The following SPATA6 variants were observed in gnomAD, a reference collection of about 807,000 sequenced individuals.
SPATA6 encodes spermatogenesis associated 6, also known as spermatogenesis-associated protein 6.
Under a neutral mutation model 65.3 loss-of-function variants are expected in SPATA6, and 56 were observed. The observed-to-expected ratio is 0.86, with a 90% CI of 0.69 to 1.07. SPATA6 has a LOEUF of 1.07. SPATA6 is among the 50% of genes least tolerant of loss of function. SPATA6 has a pLI of 0.00. For synonymous variants in SPATA6, 199 were observed against 213.2 expected (o/e 0.93, Z 0.58); for missense variants, 590 against 594.8 (o/e 0.99, Z 0.08).
At chr1:48,395,959 A>C (rs114781293) in intron 7 of SPATA6, among the ~76,000 whole-genome samples, 4,008 of 151,946 alleles carry the variant, frequency 0.026, 178 homozygotes, top group African/African-American at 0.092. Flanking sequence ...CAATATTTAC[A>C]AATCATTTAT....
chr1:48,300,085 A>G (rs1644901345), intron 12 of SPATA6, among the ~76,000 whole-genome samples: 1 of 152,184 alleles, frequency 6.6e-6, no homozygotes, highest in Admixed American at 6.5e-5. Context: ...ATAGGAAGCT[A>G]ATGAAATAGA....
At chr1:48,372,210 T>C (rs183997923) in intron 9 of SPATA6, among the ~76,000 whole-genome samples, 301 of 152,302 alleles carry the variant, frequency 2.0e-3, no homozygotes, top group Middle Eastern at 0.01. Context: ...CTTCTGCCTA[T>C]GAGCCTGTAA....
chr1:48,409,081 T>C (rs1490099611), intron 5 of SPATA6, among the ~76,000 whole-genome samples: 1 of 152,222 alleles, frequency 6.6e-6, no homozygotes, highest in African/African-American at 2.4e-5. Flanking sequence ...GTCCAAAGTT[T>C]CATCAAGACA....
At position 48,429,446 on chromosome 1, in the gene SPATA6, A is replaced by G. The variant is rs191783019; in HGVS notation, c.239-16295T>C. Among the ~76,000 whole-genome samples the G allele has an allele frequency of 2.4e-3, 363 of 152,322 alleles. 1 individual carries two copies. The highest frequency in any genetic ancestry group is 7.9e-3 in the African/African-American group (328 of 41,580). ...TATACTTTAGGCTGATCTTCAACAC[A>G]AAGACAGCCCATAACAATGAAAAAA... On this transcript the variant is annotated intron_variant, in intron 3 of 12. Transcript: ENST00000371847.
chr1:48,277,306 A>G, the SPATA6 span, among the ~76,000 whole-genome samples: 1 of 152,168 alleles, frequency 6.6e-6, no homozygotes, highest in Non-Finnish European at 1.5e-5. Flanking sequence ...TCATCTCACT[A>G]GGGAGTGCCA....
intron 7 of SPATA6, among the ~76,000 whole-genome samples, chr1:48,396,795 G>A (rs1181381174): frequency 2.0e-5 from 3 of 151,496 alleles, no homozygotes; most frequent in African/African-American, 7.3e-5. Flanking sequence ...TGCTTAATGG[G>A]CACAGAGTTT....
chr1:48,397,492 T>C (rs190532574), intron 7 of SPATA6, among the ~76,000 whole-genome samples: 67 of 151,864 alleles, frequency 4.4e-4, no homozygotes, highest in African/African-American at 1.6e-3. Context: ...TTCCTTATTC[T>C]TTAAGATGAA....
At chr1:48,417,851 C>CA (rs1209685298) in intron 3 of SPATA6, among the ~76,000 whole-genome samples, 3 of 152,068 alleles carry the variant, frequency 2.0e-5, no homozygotes, top group East Asian at 1.9e-4. Context: ...CAAAACAAAA[C>CA]AAAAAAACAT....
At chr1:48,280,296 T>G in the SPATA6 span, among the ~76,000 whole-genome samples, 2 of 151,954 alleles carry the variant, frequency 1.3e-5, no homozygotes, top group Admixed American at 6.6e-5. Context: ...AGCAAACACA[T>G]TCAAAAGCTA....
intron 11 of SPATA6, among the ~76,000 whole-genome samples, chr1:48,314,819 A>G (rs1645354460): frequency 6.6e-6 from 1 of 152,172 alleles, no homozygotes; most frequent in Admixed American, 6.5e-5. Flanking sequence ...AAGAAAAGAG[A>G]GAAGAATCAA....
intron 9 of SPATA6, among the ~76,000 whole-genome samples, chr1:48,378,067 G>C (rs1162345159): frequency 6.6e-6 from 1 of 152,132 alleles, no homozygotes; most frequent in Non-Finnish European, 1.5e-5. Flanking sequence ...CATACAGATC[G>C]AAAGTATCCT....
chr1:48,453,694 G>A (rs1217533582), intron 1 of SPATA6, among the ~76,000 whole-genome samples: 1 of 152,078 alleles, frequency 6.6e-6, no homozygotes, highest in Admixed American at 6.6e-5. Flanking sequence ...ATAGTTAAGT[G>A]CATATACCTT....
intron 3 of SPATA6, among the ~76,000 whole-genome samples, chr1:48,426,985 G>A (rs1362361085): frequency 6.6e-6 from 1 of 151,768 alleles, no homozygotes; most frequent in Non-Finnish European, 1.5e-5. Flanking sequence ...GAGTACAGTA[G>A]CATAATCATA....
At chr1:48,330,024 A>G (rs1254196031) in intron 11 of SPATA6, among the ~76,000 whole-genome samples, 2 of 152,210 alleles carry the variant, frequency 1.3e-5, no homozygotes, top group Non-Finnish European at 2.9e-5. Flanking sequence ...CAGTACCACA[A>G]ACCCAATAGA....
At chr1:48,385,942 G>A (rs936566220) in intron 8 of SPATA6, among the ~76,000 whole-genome samples, 1 of 152,076 alleles carries the variant, frequency 6.6e-6, no homozygotes, top group African/African-American at 2.4e-5. Flanking sequence ...GATTATATAA[G>A]ATCTTACACG....
At chr1:48,384,196 C>A (rs1288945172) in intron 9 of SPATA6, among the ~76,000 whole-genome samples, 2 of 147,806 alleles carry the variant, frequency 1.4e-5, no homozygotes, top group Admixed American at 1.3e-4. Context: ...ACCAGTCAGG[C>A]GTGGCGGTGC....
At chr1:48,440,712 T>G (rs1330350424) in intron 3 of SPATA6, among the ~76,000 whole-genome samples, 4 of 152,112 alleles carry the variant, frequency 2.6e-5, no homozygotes, top group Admixed American at 6.5e-5. Flanking sequence ...CTTAAAAAAA[T>G]ATACTGCCCT....
At chr1:48,408,739 T>A (rs982924062) in intron 5 of SPATA6, among the ~76,000 whole-genome samples, 8 of 152,154 alleles carry the variant, frequency 5.3e-5, no homozygotes, top group Non-Finnish European at 1.2e-4. Flanking sequence ...AGTCACATCT[T>A]ACATGGATGG....
intron 9 of SPATA6, among the ~76,000 whole-genome samples, chr1:48,362,862 C>A (rs1356043203): frequency 1.3e-5 from 2 of 152,026 alleles, no homozygotes; most frequent in Admixed American, 6.6e-5. Context: ...TAGAGAATAT[C>A]ATAGAGGTGG....
Sources: allele counts gnomAD v4.1 joint callset (sites outside exome capture counted in the v4.1 genomes callset), GRCh38; gene constraint gnomAD v4.1.1; transcripts MANE v1.5; gene names NCBI Gene and HGNC (gene_info 2026-07-23, HGNC 2026-07-21).